PTK2B: variants seen among roughly 807,000 people sequenced by gnomAD.
PTK2B encodes protein-tyrosine kinase 2-beta.
Under a neutral mutation model 142.9 loss-of-function variants are expected in PTK2B, and 71 were observed. That is an observed-to-expected ratio of 0.50 (90% confidence interval 0.41 to 0.61). The LOEUF (loss-of-function observed/expected upper bound fraction) is 0.61, where lower values mean the gene tolerates loss of function less well. Among genes scored for constraint, PTK2B ranks in the 20% least tolerant of loss-of-function variants. The pLI is 0.00. For missense variants in PTK2B, 1,105 were observed against 1,320.4 expected, an observed-to-expected ratio of 0.84 and a Z score of 2.53; for synonymous variants, 519 against 503.4, an observed-to-expected ratio of 1.03 and a Z score of -0.42.
At chr8:27,455,409 C>T (rs977668750) in intron 30 of PTK2B, among the ~76,000 whole-genome samples, 14 of 152,130 alleles carry the variant, frequency 9.2e-5, no homozygotes, top group African/African-American at 3.1e-4. Context: ...ATTAGCTGGG[C>T]GTGGTGGCCT....
chr8:27,454,623 A>C lies in PTK2B; in HGVS notation c.2814+12A>C. 5.0e-6 allele frequency: 8 copies of C among 1,612,502 alleles called. No homozygotes were observed. Among genetic ancestry groups the C allele is most frequent in the Non-Finnish European group, 6.8e-6 (8 of 1,178,638 alleles). On this transcript the variant is annotated intron_variant, in intron 30 of 30. Coordinates refer to ENST00000346049, the MANE Select transcript of PTK2B (RefSeq NM_173176.3). ...CTTCACGGACAGAGGTGAGCGTCCC[A>C]TTCCAGACAGCACCATAGGCTGTTG...
At chr8:27,404,739 A>G (rs1367214023) in intron 2 of PTK2B, among the ~76,000 whole-genome samples, 2 of 152,112 alleles carry the variant, frequency 1.3e-5, no homozygotes, top group African/African-American at 4.8e-5. Flanking sequence ...TTCGCTCCTT[A>G]AACCCATCAC....
intron 1 of PTK2B, among the ~76,000 whole-genome samples, chr8:27,348,680 G>C (rs1425776529): frequency 6.6e-6 from 1 of 152,134 alleles, no homozygotes; most frequent in African/African-American, 2.4e-5. Flanking sequence ...GCCCAAATTG[G>C]TTGTTGCTTG....
chr8:27,362,161 C>T (rs1007197879), intron 1 of PTK2B, among the ~76,000 whole-genome samples: 2 of 152,180 alleles, frequency 1.3e-5, no homozygotes, highest in Non-Finnish European at 2.9e-5. Context: ...TTTGCTGACC[C>T]AGTTCATCAT....
At chr8:27,457,526 G>C (rs1254367736) in intron 30 of PTK2B, among the ~76,000 whole-genome samples, 2 of 152,184 alleles carry the variant, frequency 1.3e-5, no homozygotes, top group Non-Finnish European at 2.9e-5. Flanking sequence ...TTCTCTTATG[G>C]ATCTGGCCAA....
chr8:27,399,808 A>G (rs1350527720), intron 2 of PTK2B, among the ~76,000 whole-genome samples: 1 of 152,214 alleles, frequency 6.6e-6, no homozygotes, highest in Non-Finnish European at 1.5e-5. Context: ...GAGGGTTTAA[A>G]GCCACTTAGA....
At chr8:27,346,266 G>A (rs1227732436) in intron 1 of PTK2B, among the ~76,000 whole-genome samples, 3 of 152,192 alleles carry the variant, frequency 2.0e-5, no homozygotes, top group Non-Finnish European at 2.9e-5. Context: ...GCGGGGTGCT[G>A]TGGCTCATGC....
chr8:27,356,176 A>G lies in PTK2B; in HGVS notation c.-38+30495A>G, dbSNP rs148387186. On this transcript the variant is annotated intron_variant, in intron 1 of 30. Transcript: ENST00000346049. The stretch of plus-strand genomic sequence containing the variant: ...CCCTTAGTGATGACAGTCCCTCTCT[A>G]TGTGGCTTCCAGCAATGTGTTATGA... Among the ~76,000 whole-genome samples, 424 of 152,254 alleles carry G rather than the reference A, an allele frequency of 2.8e-3. 1 individual carries two copies. Among genetic ancestry groups the G allele is most frequent in the Non-Finnish European group, 3.9e-3 (267 of 68,020 alleles).
chr8:27,340,801 A>G (rs1804349626), intron 1 of PTK2B, among the ~76,000 whole-genome samples: 2 of 152,304 alleles, frequency 1.3e-5, no homozygotes, highest in Admixed American at 6.5e-5. Flanking sequence ...CAGGCTGCCA[A>G]CTGCTGCTTG....
At chr8:27,399,912 A>G (rs1053121977) in intron 2 of PTK2B, among the ~76,000 whole-genome samples, 1 of 152,218 alleles carries the variant, frequency 6.6e-6, no homozygotes, top group Non-Finnish European at 1.5e-5. Flanking sequence ...CCCGGGGATC[A>G]TGCTGTAAGG....
chr8:27,400,387 G>A (rs984441541), intron 2 of PTK2B, among the ~76,000 whole-genome samples: 19 of 151,464 alleles, frequency 1.3e-4, no homozygotes, highest in African/African-American at 4.1e-4. Flanking sequence ...TAGATCTCTG[G>A]CCAATCATTT....
At chr8:27,422,434 C>A in intron 5 of PTK2B, 51 bp downstream of exon 5, 1 of 1,450,124 alleles carries the variant, frequency 6.9e-7, no homozygotes, top group Non-Finnish European at 9.3e-7. Context: ...GAGCTCTGGG[C>A]AGGCCCGACC....
chr8:27,397,514 C>A, intron 1 of PTK2B, 34 bp from the exon 2 acceptor site: 3 of 1,535,534 alleles, frequency 2.0e-6, no homozygotes, highest in South Asian at 1.1e-5. Flanking sequence ...CTGTGTGGGG[C>A]TCTTTCAGGG....
At chr8:27,437,265 A>C in intron 16 of PTK2B, 59 bp downstream of exon 16, 1 of 1,569,176 alleles carries the variant, frequency 6.4e-7, no homozygotes, top group Non-Finnish European at 8.8e-7. Context: ...GCCTGGGAAG[A>C]GAGGGGTGAA....
intron 1 of PTK2B, among the ~76,000 whole-genome samples, chr8:27,361,155 ACT>A (rs1330264180): frequency 1.3e-5 from 2 of 151,434 alleles, no homozygotes; most frequent in Non-Finnish European, 2.9e-5. Flanking sequence ...ATTATTCCAC[ACT>A]CTATGTCCAT....
intron 18 of PTK2B, 189 bp downstream of exon 18, chr8:27,438,069 G>A: frequency 3.4e-6 from 2 of 581,190 alleles, no homozygotes; most frequent in Non-Finnish European, 6.2e-6. Flanking sequence ...TGCAGGCACT[G>A]TATGTACCTC....
intron 2 of PTK2B, among the ~76,000 whole-genome samples, chr8:27,419,624 C>A (rs1809619732): frequency 6.6e-6 from 1 of 152,202 alleles, no homozygotes. Flanking sequence ...GGTGCAGAAG[C>A]AAATTTTTGT....
At chr8:27,358,391 A>G (rs1165076772) in intron 1 of PTK2B, among the ~76,000 whole-genome samples, 3 of 152,064 alleles carry the variant, frequency 2.0e-5, no homozygotes, top group African/African-American at 2.4e-5. Flanking sequence ...TATGATTGTA[A>G]CTTCTTGGCA....
intron 27 of PTK2B, 104 bp from the exon 28 acceptor site, chr8:27,453,010 C>G (rs966277242): frequency 2.9e-6 from 4 of 1,365,100 alleles, no homozygotes; most frequent in Non-Finnish European, 4.1e-6. Context: ...TCCCTGAAGT[C>G]TCCTGGTGGT....
Sources: allele counts gnomAD v4.1 joint callset (sites outside exome capture counted in the v4.1 genomes callset), GRCh38; gene constraint gnomAD v4.1.1; transcripts MANE v1.5; gene names NCBI Gene and HGNC (gene_info 2026-07-23, HGNC 2026-07-21).